Variants in PKNOX1 observed in about 807,000 individuals in gnomAD.
PKNOX1 encodes the protein PBX/knotted 1 homeobox 1.
In PKNOX1, 15 loss-of-function variants were observed where a neutral mutation model predicts 51.9. The observed-to-expected ratio is 0.29, with a 90% confidence interval of 0.19 to 0.45. PKNOX1 has a LOEUF of 0.45. PKNOX1 is among the 20% of genes least tolerant of loss of function. PKNOX1 has a pLI of 1.00. For synonymous variants in PKNOX1, 219 were observed against 211.1 expected (o/e 1.04, Z -0.32); for missense variants, 462 against 547.5 (o/e 0.84, Z 1.56).
chr21:42,979,019 C>T (rs1019517582), intron 1 of PKNOX1, among the ~76,000 whole-genome samples: 5 of 152,230 alleles, frequency 3.3e-5, no homozygotes, highest in Non-Finnish European at 7.3e-5. Flanking sequence ...CCCACCTCAG[C>T]CCCCTGAGTA....
chr21:42,980,395 T>G (rs2059020435), intron 1 of PKNOX1, among the ~76,000 whole-genome samples: 1 of 151,712 alleles, frequency 6.6e-6, no homozygotes, highest in Non-Finnish European at 1.5e-5. Flanking sequence ...AAAAAAATAC[T>G]ACTTGTAAAT....
In PKNOX1 at chr21:43,033,827, T is replaced by C. The variant is rs1285993536; in HGVS notation, c.*3726T>C. The stretch of plus-strand genomic sequence containing the variant: ...AGGCAGAAAATGGAAACAGGTAGCT[T>C]TTATGTTTTTTATTATAGTTTTCCA... On this transcript the variant is annotated 3_prime_UTR_variant, in exon 11 of 11. Transcript: ENST00000291547. 6.6e-6 allele frequency: 1 copy of C among 152,208 alleles called. No individual in the cohort carries two copies. The highest frequency in any genetic ancestry group is 2.4e-5 in the African/African-American group (1 of 41,460). 9.4% of individuals were successfully genotyped at this position (152,208 alleles called of 1,614,324 possible). A position where few individuals can be genotyped will look rare whatever the true frequency, so the allele number is the denominator to read the frequency against.
Position 43,031,908 on chromosome 21 carries a change from C to A in PKNOX1, c.*1807C>A. 1 of 186,992 alleles carries A rather than the reference C, an allele frequency of 5.3e-6. No individual in the cohort carries two copies. Among genetic ancestry groups the A allele is most frequent in the South Asian group, 8.8e-5 (1 of 11,370 alleles). 11.6% of individuals were successfully genotyped at this position (186,992 alleles called of 1,614,324 possible). A position where few individuals can be genotyped will look rare whatever the true frequency, so the allele number is the denominator to read the frequency against. ...CAGAGTTTTGCTCTTGTTGCCCAGG[C>A]TGGAGGGCAATGGTGCAATCTCAGC... On this transcript the variant is annotated 3_prime_UTR_variant, in exon 11 of 11. Transcript: ENST00000291547.
At chr21:43,025,068 A>T in intron 9 of PKNOX1, 121 bp downstream of exon 9, 2 of 672,378 alleles carry the variant, frequency 3.0e-6, no homozygotes, top group Non-Finnish European at 5.2e-6. Context: ...TTTTTTCCCA[A>T]CTGAGACGGG....
At chr21:43,009,845 G>A (rs1380890737) in intron 3 of PKNOX1, among the ~76,000 whole-genome samples, 1 of 152,106 alleles carries the variant, frequency 6.6e-6, no homozygotes. Context: ...GTTTCTTTGC[G>A]GGGATCATGG....
At chr21:42,993,563 G>A (rs1349633105) in intron 1 of PKNOX1, among the ~76,000 whole-genome samples, 1 of 143,584 alleles carries the variant, frequency 7.0e-6, no homozygotes, top group Admixed American at 7.0e-5. Context: ...ATGCATTTTT[G>A]GCATTTAAAA....
At chr21:42,993,553 A>G (rs1978335761) in intron 1 of PKNOX1, among the ~76,000 whole-genome samples, 1 of 147,986 alleles carries the variant, frequency 6.8e-6, no homozygotes. Flanking sequence ...CTAAAACTTT[A>G]TGCATTTTTG....
rs377483462 is a variant in PKNOX1, at chr21:42,996,812, T to C, written c.-56-7514T>C. Among the ~76,000 whole-genome samples, 8 of 152,198 alleles carry C rather than the reference T, an allele frequency of 5.3e-5. No individual in the cohort carries two copies. In the South Asian group the frequency reaches 6.2e-4, roughly 12 times the overall value. On this transcript the variant is annotated intron_variant, in intron 1 of 10. Coordinates refer to ENST00000291547, the MANE Select transcript of PKNOX1 (RefSeq NM_004571.5). ...TGAACTCCTGGGCTCAAGTGATCCT[T>C]CCACCTTGGCCTCCCAAAGTGCTGG...
At chr21:43,018,068 A>AAAAG (rs1601297355) in intron 6 of PKNOX1, 65 bp from the exon 7 acceptor site, 4 of 825,760 alleles carry the variant, frequency 4.8e-6, no homozygotes, top group East Asian at 2.7e-5. Flanking sequence ...AAAAAAAAAA[A>AAAAG]AAGAAGAATG....
At chr21:43,019,420 C>CAA (rs71195907) in intron 7 of PKNOX1, among the ~76,000 whole-genome samples, 5,303 of 150,232 alleles carry the variant, frequency 0.035, 141 homozygotes, top group Middle Eastern at 0.062. Flanking sequence ...AAAAAAAAAA[C>CAA]ACACATTTTT....
rs550614746 is a variant in PKNOX1, at chr21:43,008,758, GAC to G, written c.179+1142_179+1143del. The stretch of plus-strand genomic sequence containing the variant: ...CATGCCACTGTACTCCAGTCTGAGT[GAC>G]AGAGAGTGAGGCCCTATCTCAAAAA... On this transcript the variant is annotated intron_variant, in intron 3 of 10. Coordinates refer to ENST00000291547, the MANE Select transcript of PKNOX1 (RefSeq NM_004571.5). 2.0e-5 allele frequency among the ~76,000 whole-genome samples: 3 copies of G among 151,902 alleles called. No individual in the cohort carries two copies. The South Asian group carries it at 6.2e-4, about 32-fold the overall frequency.
In PKNOX1 at chr21:43,028,706, A is replaced by G. The variant is rs747814246; in HGVS notation, c.931A>G (p.Ile311Val). 8 of 1,613,942 alleles carry G rather than the reference A, an allele frequency of 5.0e-6. No individual in the cohort carries two copies. The highest frequency in any genetic ancestry group is 6.8e-6 in the Non-Finnish European group (8 of 1,179,944). Residue 311 changes from isoleucine to valine, a missense_variant, in exon 10 of 11, where the codon ATC becomes GTC. Ile to Val is a conservative substitution (Grantham distance 29). Coordinates refer to ENST00000291547, the MANE Select transcript of PKNOX1 (RefSeq NM_004571.5). The stretch of plus-strand genomic sequence containing the variant: ...GCTTCTCTTTGTTGACTCCAGGTTC[A>G]TCAATGCCAGAAGACGAATTCTTCA... Reference protein sequence around the residue: ...LTLLQVNNWFINARRRILQPM... With the variant: ...LTLLQVNNWFVNARRRILQPM...
At chr21:42,977,970 A>G (rs781395285) in intron 1 of PKNOX1, among the ~76,000 whole-genome samples, 2 of 151,986 alleles carry the variant, frequency 1.3e-5, no homozygotes, top group Non-Finnish European at 2.9e-5. Context: ...TAATCAGACC[A>G]CTCATACTTT....
At chr21:42,992,356 A>G (rs1368722635) in intron 1 of PKNOX1, among the ~76,000 whole-genome samples, 1 of 152,210 alleles carries the variant, frequency 6.6e-6, no homozygotes, top group Non-Finnish European at 1.5e-5. Flanking sequence ...AACCTCTGGT[A>G]CATCTGTGTC....
intron 3 of PKNOX1, among the ~76,000 whole-genome samples, chr21:43,008,034 A>AGCCTG (rs1263797688): frequency 1.4e-5 from 2 of 143,666 alleles, no homozygotes; most frequent in African/African-American, 5.3e-5. Flanking sequence ...ACTGCACTCC[A>AGCCTG]GCCTGGGCAA....
chr21:42,980,591 G>A (rs2059021229), intron 1 of PKNOX1, among the ~76,000 whole-genome samples: 1 of 152,102 alleles, frequency 6.6e-6, no homozygotes, highest in Non-Finnish European at 1.5e-5. Context: ...TTGGCCTCTG[G>A]GGGCCTCTTA....
rs138486584 is a variant in PKNOX1 at position 43,029,424 on chromosome 21, G to GTTTTTTTTTTTTTTTTTTTTTTTTTTTT, written c.1100-445_1100-444insTTTTTTTTTTTTTTTTTTTTTTTTTTTT. ...TTATTTTTTTTTATTTGTTTGCTTT[G>GTTTTTTTTTTTTTTTTTTTTTTTTTTTT]TTTTTTTTTTTTTTTTTTTTTGAGA... On this transcript the variant is annotated intron_variant, in intron 10 of 10. Transcript: ENST00000291547. Among the ~76,000 whole-genome samples the GTTTTTTTTTTTTTTTTTTTTTTTTTTTT allele has an allele frequency of 1.3e-4, 8 of 63,304 alleles. 1 individual carries two copies. Among genetic ancestry groups the GTTTTTTTTTTTTTTTTTTTTTTTTTTTT allele is most frequent in the Non-Finnish European group, 1.7e-4 (6 of 34,540 alleles). 41.5% of individuals were successfully genotyped at this position (63,304 alleles called of 152,430 possible).
chr21:43,012,832 G>A (rs28429190), intron 4 of PKNOX1, among the ~76,000 whole-genome samples: 3 of 152,160 alleles, frequency 2.0e-5, no homozygotes, highest in Non-Finnish European at 2.9e-5. Context: ...GGGATGCACC[G>A]AGGTCACCAC....
At chr21:43,023,297 G>A (rs972394342) in intron 8 of PKNOX1, among the ~76,000 whole-genome samples, 2 of 152,168 alleles carry the variant, frequency 1.3e-5, no homozygotes, top group Middle Eastern at 3.4e-3. Flanking sequence ...TCACACTGCC[G>A]TTAGTTTGAG....
Sources: gnomAD v4.1 joint callset for allele counts (sites outside exome capture counted in the v4.1 genomes callset) on GRCh38, gnomAD v4.1.1 for gene constraint, MANE v1.5 for transcripts, NCBI Gene and HGNC (gene_info 2026-07-23, HGNC 2026-07-21) for gene names.